Variants in ADGRV1 observed in about 807,000 individuals in gnomAD.
ADGRV1 encodes adhesion G protein-coupled receptor V1.
Under a neutral mutation model 596.2 loss-of-function variants are expected in ADGRV1, and 359 were observed. That is an observed-to-expected ratio of 0.60 (90% confidence interval 0.55 to 0.66). The LOEUF is 0.66. Among genes scored for constraint, ADGRV1 ranks in the 30% least tolerant of loss-of-function variants. The probability of loss-of-function intolerance (pLI) is 0.00; values close to 1 mark genes in which losing one functional copy is unlikely to be tolerated. For synonymous variants in ADGRV1, 2,681 were observed against 2,679.2 expected, an observed-to-expected ratio of 1.00 and a Z score of -0.02; for missense variants, 7,274 against 7,575.6, an observed-to-expected ratio of 0.96 and a Z score of 1.48.
At position 90,619,059 on chromosome 5, in the gene ADGRV1, TATTTTATTTTTGGG is replaced by T. The variant is rs1763718494; in HGVS notation, c.358-16_358-3del. The stretch of plus-strand genomic sequence containing the variant: ...ACTTATTATTTTATTTTTAATTCAT[TATTTTATTTTTGGG>T]ATTTTATTTTAGAAACCTTCAGCAA... On this transcript the variant is annotated splice_polypyrimidine_tract_variant and intron_variant, in intron 3 of 89. Transcript: ENST00000405460. 8 of 1,049,678 alleles carry T rather than the reference TATTTTATTTTTGGG, an allele frequency of 7.6e-6. No individual in the cohort carries two copies. In the African/African-American group the frequency reaches 1.1e-4, roughly 15 times the overall value. The allele number at this position is 1,049,678 out of a possible 1,614,324, so 65.0% of individuals were successfully genotyped here.
chr5:91,021,230 G>T (rs1384216772), intron 85 of ADGRV1, among the ~76,000 whole-genome samples: 1 of 152,022 alleles, frequency 6.6e-6, no homozygotes, highest in African/African-American at 2.4e-5. Context: ...AATAACAACT[G>T]TCACAAATGA....
At position 90,669,348 on chromosome 5, in the gene ADGRV1, G is replaced by T. The variant is rs112739367; in HGVS notation, c.4753-3198G>T. On this transcript the variant is annotated intron_variant, in intron 21 of 89. Coordinates refer to ENST00000405460, the MANE Select transcript of ADGRV1 (RefSeq NM_032119.4). ...CCCTACCTTCAGGACAGTCAGTTCC[G>T]CCATGACATGATGGATGGATTCTTA... Among the ~76,000 whole-genome samples the T allele has an allele frequency of 5.7e-4, 87 of 152,172 alleles. 1 individual carries two copies. The highest frequency in any genetic ancestry group is 1.8e-3 in the African/African-American group (74 of 41,504).
At chr5:90,656,003 G>A (rs565022731) in intron 20 of ADGRV1, 2 of 152,162 alleles carry the variant, frequency 1.3e-5, no homozygotes, top group South Asian at 2.1e-4. Context: ...CATGAAATTT[G>A]AAAAGTATAG....
chr5:91,160,484 T>A (rs1356040405), intron 89 of ADGRV1, among the ~76,000 whole-genome samples: 2 of 152,214 alleles, frequency 1.3e-5, no homozygotes, highest in East Asian at 3.8e-4. Context: ...ACAGGACTGA[T>A]ACTCACCCTA....
intron 9 of ADGRV1, among the ~76,000 whole-genome samples, chr5:90,632,552 A>G (rs1259160574): frequency 6.6e-6 from 1 of 152,162 alleles, no homozygotes; most frequent in African/African-American, 2.4e-5. Flanking sequence ...TTTCTATCCA[A>G]GTAACTGCAG....
chr5:90,659,006 G>C (rs1320165666), intron 21 of ADGRV1, among the ~76,000 whole-genome samples: 1 of 152,240 alleles, frequency 6.6e-6, no homozygotes, highest in South Asian at 2.1e-4. Flanking sequence ...AAATTGAAAT[G>C]ATTTTTTAAA....
chr5:90,832,433 A>G (rs1164034900), intron 77 of ADGRV1, among the ~76,000 whole-genome samples: 2 of 152,044 alleles, frequency 1.3e-5, no homozygotes, highest in Admixed American at 1.3e-4. Context: ...TCTTTTGCCC[A>G]TTTTAAAATT....
chr5:90,942,998 G>A (rs1222664280), intron 83 of ADGRV1, among the ~76,000 whole-genome samples: 1 of 152,142 alleles, frequency 6.6e-6, no homozygotes, highest in African/African-American at 2.4e-5. Context: ...GCAATGAAGA[G>A]TTAGGAAGAC....
intron 86 of ADGRV1, among the ~76,000 whole-genome samples, chr5:91,090,881 T>A (rs995896647): frequency 2.0e-5 from 3 of 152,104 alleles, no homozygotes; most frequent in Non-Finnish European, 4.4e-5. Context: ...TAGGATGGCA[T>A]GGGAGAGAGT....
At chr5:90,971,874 G>A (rs879081305) in intron 84 of ADGRV1, among the ~76,000 whole-genome samples, 10 of 152,148 alleles carry the variant, frequency 6.6e-5, no homozygotes, top group African/African-American at 2.2e-4. Context: ...ATGTAAATGG[G>A]CTAAATGCTC....
At chr5:90,845,166 C>G (rs1765754932) in intron 78 of ADGRV1, among the ~76,000 whole-genome samples, 1 of 150,804 alleles carries the variant, frequency 6.6e-6, no homozygotes, top group Non-Finnish European at 1.5e-5. Context: ...CTGTCAGGAG[C>G]ACCTCCTAGG....
intron 1 of ADGRV1, among the ~76,000 whole-genome samples, chr5:90,569,545 G>A (rs1440895158): frequency 6.7e-6 from 1 of 150,290 alleles, no homozygotes; most frequent in Non-Finnish European, 1.5e-5. Context: ...ATTTAATCCA[G>A]TAATATTTAA....
chr5:90,696,969 T>G lies in ADGRV1; in HGVS notation c.7978T>G (p.Leu2660Val). 6.2e-7 allele frequency: 1 copy of G among 1,612,566 alleles called. No homozygotes were observed. The highest frequency in any genetic ancestry group is 8.5e-7 in the Non-Finnish European group (1 of 1,178,976). Residue 2660 changes from leucine (L) to valine (V), a missense_variant, in exon 34 of 90, where the codon TTG (leucine) becomes GTG (valine). By Grantham distance (32) the Leu-to-Val change is conservative (BLOSUM62 1). Coordinates refer to ENST00000405460, the MANE Select transcript of ADGRV1 (RefSeq NM_032119.4). The stretch of plus-strand genomic sequence containing the variant: ...CAAAAAGACAGTCATTTTAACCATC[T>G]TGGATGACTCTGAACCAGAGGATGA... ...ETKKTVILTI[L>V]DDSEPEDDES...
At chr5:90,945,165 T>C (rs1026149711) in intron 83 of ADGRV1, among the ~76,000 whole-genome samples, 3 of 152,126 alleles carry the variant, frequency 2.0e-5, no homozygotes, top group East Asian at 1.9e-4. Flanking sequence ...CCTCTTTAAA[T>C]CCTGAGGTTA....
intron 86 of ADGRV1, among the ~76,000 whole-genome samples, chr5:91,101,323 A>G (rs1291993149): frequency 1.3e-5 from 2 of 152,202 alleles, no homozygotes; most frequent in Admixed American, 1.3e-4. Context: ...TTAAATTTCC[A>G]TAGTGGACGA....
intron 85 of ADGRV1, among the ~76,000 whole-genome samples, chr5:91,039,412 G>T (rs1031606612): frequency 1.3e-5 from 2 of 152,206 alleles, no homozygotes; most frequent in Non-Finnish European, 2.9e-5. Context: ...AAAGTGTCTT[G>T]CTTCCTGACC....
chr5:90,709,664 A>G (rs138543527), intron 39 of ADGRV1, among the ~76,000 whole-genome samples: 1 of 152,330 alleles, frequency 6.6e-6, no homozygotes. Flanking sequence ...CACTGTGATA[A>G]CTTTGAAAAT....
chr5:90,569,085 C>A (rs1309844940), intron 1 of ADGRV1, among the ~76,000 whole-genome samples: 3 of 151,998 alleles, frequency 2.0e-5, no homozygotes. Context: ...AGAGGGCAAA[C>A]AAGCATGTGA....
intron 87 of ADGRV1, among the ~76,000 whole-genome samples, chr5:91,121,923 ATGT>A (rs1288200720): frequency 1.3e-5 from 2 of 152,056 alleles, no homozygotes; most frequent in African/African-American, 4.8e-5. Flanking sequence ...GAAATGTCAA[ATGT>A]TGTTCTTTTG....
Sources: allele counts gnomAD v4.1 joint callset (sites outside exome capture counted in the v4.1 genomes callset), GRCh38; gene constraint gnomAD v4.1.1; transcripts MANE v1.5; gene names NCBI Gene and HGNC (gene_info 2026-07-23, HGNC 2026-07-21).